Variants in NID1 observed in about 807,000 individuals in gnomAD.
NID1 encodes nidogen 1, also known as nidogen-1.
In NID1, 76 loss-of-function variants were observed where a neutral mutation model predicts 130.6. The ratio of observed to expected loss-of-function variants is 0.58; its 90% CI spans 0.48 to 0.70. NID1 has a LOEUF of 0.70. NID1 is among the 30% of genes least tolerant of loss of function. NID1 has a pLI of 0.00. For missense variants in NID1, 1,517 were observed against 1,664.8 expected (o/e 0.91, Z 1.54); for synonymous variants, 665 against 675.1 (o/e 0.98, Z 0.23).
chr1:236,023,536 G>A (rs1187311083), intron 9 of NID1, among the ~76,000 whole-genome samples: 4 of 152,184 alleles, frequency 2.6e-5, no homozygotes, highest in Non-Finnish European at 4.4e-5. Flanking sequence ...GAACAGTGGT[G>A]ATGGTTACAC....
Position 236,026,043 on chromosome 1 carries a change from T to C in NID1, c.1837A>G (p.Ile613Val). The C allele has an allele frequency of 6.2e-7, 1 of 1,613,036 alleles. No homozygotes were observed. The highest frequency in any genetic ancestry group is 8.5e-7 in the Non-Finnish European group (1 of 1,179,946). Reference sequence around the variant, plus strand: ...TCGTGGACGCATTCCTGGAAGGTGATGGTCTGGCGCCACTGGTAAGTGTAG... The same window carrying C: ...TCGTGGACGCATTCCTGGAAGGTGACGGTCTGGCGCCACTGGTAAGTGTAG... Reference protein sequence around the residue: ...RIYTYQWRQTITFQECVHDDS... With the variant: ...RIYTYQWRQTVTFQECVHDDS... The change falls in exon 8 of 20, where the codon ATC becomes GTC. Residue 613 changes from isoleucine to valine, a missense_variant. Transcript: ENST00000264187.
intron 9 of NID1, among the ~76,000 whole-genome samples, chr1:236,019,986 G>A (rs60635630): frequency 2.1e-5 from 3 of 141,564 alleles, no homozygotes; most frequent in Middle Eastern, 7.8e-3. Flanking sequence ...GCAGTGAGCC[G>A]AAATTGCGCC....
chr1:236,017,352 G>A (rs893791218), intron 9 of NID1, 79 bp from the exon 10 acceptor site: 43 of 1,478,622 alleles, frequency 2.9e-5, no homozygotes, highest in Admixed American at 3.8e-5. Context: ...AAATAGCATT[G>A]TCACCTAAGA....
chr1:236,036,558 T>G (rs1168462854), intron 5 of NID1, among the ~76,000 whole-genome samples: 3 of 152,232 alleles, frequency 2.0e-5, no homozygotes, highest in Non-Finnish European at 4.4e-5. Context: ...AGACAATTTG[T>G]TGGCATCTGC....
intron 1 of NID1, among the ~76,000 whole-genome samples, chr1:236,054,905 G>C (rs1041136087): frequency 6.6e-6 from 1 of 152,068 alleles, no homozygotes; most frequent in African/African-American, 2.4e-5. Flanking sequence ...GCCTCCCAAA[G>C]TGCTGGGATT....
chr1:236,019,952 G>C (rs1185185529), intron 9 of NID1, among the ~76,000 whole-genome samples: 1 of 148,650 alleles, frequency 6.7e-6, no homozygotes, highest in Non-Finnish European at 1.5e-5. Flanking sequence ...CAGGAGAATT[G>C]CTTGAACCCA....
intron 1 of NID1, among the ~76,000 whole-genome samples, chr1:236,058,433 G>T (rs1482084880): frequency 2.6e-5 from 4 of 152,028 alleles, no homozygotes; most frequent in Non-Finnish European, 5.9e-5. Context: ...AAAAACCCAG[G>T]GTGAAAATGC....
chr1:236,020,065 C>CAAAAA (rs1421457779), intron 9 of NID1, among the ~76,000 whole-genome samples: 5 of 107,722 alleles, frequency 4.6e-5, no homozygotes, highest in Admixed American at 3.7e-4. Context: ...AAAACAAAAA[C>CAAAAA]AAACTTCTTT....
At chr1:235,987,166 A>G (rs1657597264) in intron 14 of NID1, among the ~76,000 whole-genome samples, 2 of 152,290 alleles carry the variant, frequency 1.3e-5, no homozygotes, top group African/African-American at 4.8e-5. Flanking sequence ...GACAAGGCAA[A>G]TCAATTACCT....
intron 14 of NID1, among the ~76,000 whole-genome samples, chr1:235,986,845 G>A (rs930409074): frequency 3.9e-5 from 6 of 152,132 alleles, no homozygotes; most frequent in Admixed American, 2.0e-4. Flanking sequence ...CCTCCTTCAC[G>A]GCATCCCATG....
In NID1 at chr1:236,048,674, C is replaced by T; in HGVS notation, c.525+16G>A. 1 of 1,603,878 alleles carries T rather than the reference C, an allele frequency of 6.2e-7. No individual in the cohort carries two copies. The highest frequency in any genetic ancestry group is 8.5e-7 in the Non-Finnish European group (1 of 1,178,080). On this transcript the variant is annotated intron_variant, in intron 2 of 19. Coordinates refer to ENST00000264187, the MANE Select transcript of NID1 (RefSeq NM_002508.3). ...TGTGTCTGATTACCTGCACTTGGAC[C>T]TGGAGGGGAGCTTACCTTGCCTTTC...
At chr1:236,030,581 A>G (rs1019694249) in intron 6 of NID1, among the ~76,000 whole-genome samples, 14 of 152,330 alleles carry the variant, frequency 9.2e-5, no homozygotes, top group South Asian at 4.1e-4. Flanking sequence ...TCATTTATAT[A>G]TTGTCTGTGG....
At chr1:236,038,575 T>C (rs1659330795) in intron 4 of NID1, among the ~76,000 whole-genome samples, 2 of 151,838 alleles carry the variant, frequency 1.3e-5, no homozygotes, top group Non-Finnish European at 2.9e-5. Flanking sequence ...TGCTATCCAA[T>C]AGCAATCTCA....
At chr1:235,981,580 GA>G in intron 16 of NID1, 30 bp downstream of exon 16, 1 of 1,587,082 alleles carries the variant, frequency 6.3e-7, no homozygotes, top group East Asian at 2.2e-5. Flanking sequence ...GCAAATCAAA[GA>G]GATGCACACA....
chr1:235,979,322 T>A lies in NID1; in HGVS notation c.3510-215A>T, dbSNP rs1447774812. Among the ~76,000 whole-genome samples, 1 of 152,078 alleles carries A rather than the reference T, an allele frequency of 6.6e-6. No homozygotes were observed. The highest frequency in any genetic ancestry group is 2.4e-5 in the African/African-American group (1 of 41,406). On this transcript the variant is annotated intron_variant, in intron 18 of 19. Coordinates refer to ENST00000264187, the MANE Select transcript of NID1 (RefSeq NM_002508.3). The surrounding 1 kb of genome is among the most constrained non-coding windows in gnomAD (Gnocchi z 4.6). ...GGGTAAAGACCAGTTAGCTCTCCCC[T>A]CCCACTCTAGATCCCAGGCAGGAAA...
intron 6 of NID1, among the ~76,000 whole-genome samples, chr1:236,031,001 T>A (rs1659082300): frequency 6.6e-6 from 1 of 152,250 alleles, no homozygotes; most frequent in East Asian, 1.9e-4. Flanking sequence ...CTGGTTTGCA[T>A]GAGAGCATCA....
At chr1:236,026,287 C>T (rs1340703582) in intron 7 of NID1, 146 bp from the exon 8 acceptor site, 1 of 944,324 alleles carries the variant, frequency 1.1e-6, no homozygotes, top group Non-Finnish European at 1.6e-6. Context: ...GACAGAACAG[C>T]TTAAATAAGA....
intron 8 of NID1, 31 bp downstream of exon 8, chr1:236,025,865 C>G: frequency 6.2e-7 from 1 of 1,605,510 alleles, no homozygotes; most frequent in Non-Finnish European, 8.5e-7. Context: ...TGCATGAGCA[C>G]CTGTGCCCAG....
chr1:236,014,556 T>C (rs998907178), intron 10 of NID1, among the ~76,000 whole-genome samples: 3 of 152,166 alleles, frequency 2.0e-5, no homozygotes, highest in African/African-American at 7.2e-5. Flanking sequence ...CTAGCCTCTG[T>C]GACACTCACC....
Sources: allele counts gnomAD v4.1 joint callset (sites outside exome capture counted in the v4.1 genomes callset), GRCh38; gene constraint gnomAD v4.1.1; non-coding constraint Gnocchi (gnomAD v3.1); transcripts MANE v1.5; gene names NCBI Gene and HGNC (gene_info 2026-07-23, HGNC 2026-07-21).